The following KAZN variants were observed in gnomAD, a reference collection of about 807,000 sequenced individuals.
KAZN encodes the protein kazrin.
In KAZN, 40 loss-of-function variants were observed where a neutral mutation model predicts 87.4. The ratio of observed to expected loss-of-function variants is 0.46; its 90% CI spans 0.36 to 0.60. The LOEUF (loss-of-function observed/expected upper bound fraction) is 0.60. KAZN is among the 20% of genes least tolerant of loss of function. The probability of loss-of-function intolerance (pLI) is 0.00; values close to 1 mark genes in which losing one functional copy is unlikely to be tolerated. For missense variants in KAZN, 898 were observed against 1,073.9 expected (o/e 0.84, Z 2.29); for synonymous variants, 466 against 458.3 (o/e 1.02, Z -0.22).
chr1:14,578,487 A>G (rs1675331739), intron 2 of KAZN, among the ~76,000 whole-genome samples: 1 of 152,194 alleles, frequency 6.6e-6, no homozygotes, highest in Non-Finnish European at 1.5e-5. Flanking sequence ...GCAATCAGAA[A>G]AATTTACATA....
intron 1 of KAZN, among the ~76,000 whole-genome samples, chr1:14,143,539 C>T (rs76988451): frequency 2.1e-4 from 32 of 152,296 alleles, no homozygotes; most frequent in African/African-American, 7.5e-4. Flanking sequence ...CCACTTACTT[C>T]CACCAGTGTA....
intron 1 of KAZN, among the ~76,000 whole-genome samples, chr1:14,002,569 C>G (rs544277851): frequency 1.3e-5 from 2 of 152,136 alleles, no homozygotes; most frequent in Admixed American, 1.3e-4. Flanking sequence ...TTTTTGTTCC[C>G]GGTTTTGGGT....
chr1:14,229,191 T>C lies in KAZN; in HGVS notation c.249+48599T>C, dbSNP rs912417641. On this transcript the variant is annotated intron_variant, in intron 2 of 16. Transcript: ENST00000636203. ...AAAGACAAGGAAGAAAAATAGCTTG[T>C]GGTTCTTTAATTCAATTGCAGCCAA... Among the ~76,000 whole-genome samples the C allele has an allele frequency of 3.3e-5, 5 of 152,332 alleles. No individual in the cohort carries two copies. The East Asian group carries it at 9.6e-4, about 29-fold the overall frequency.
chr1:14,199,929 C>T (rs981013771), intron 2 of KAZN, among the ~76,000 whole-genome samples: 1 of 151,928 alleles, frequency 6.6e-6, no homozygotes, highest in Non-Finnish European at 1.5e-5. Flanking sequence ...CTTCCTTCTG[C>T]TTGGCCTTAC....
chr1:14,536,464 T>G (rs368649082), intron 2 of KAZN, among the ~76,000 whole-genome samples: 1 of 152,188 alleles, frequency 6.6e-6, no homozygotes, highest in Non-Finnish European at 1.5e-5. Flanking sequence ...TCCAGCAAGG[T>G]TCCACTGGAG....
intron 1 of KAZN, among the ~76,000 whole-genome samples, chr1:14,644,128 C>T (rs994664907): frequency 6.7e-6 from 1 of 150,178 alleles, no homozygotes; most frequent in African/African-American, 2.4e-5. Context: ...TCTCCCATCT[C>T]AGCCTCCCAA....
intron 2 of KAZN, among the ~76,000 whole-genome samples, chr1:14,460,242 T>C (rs1402505531): frequency 6.6e-6 from 1 of 152,204 alleles, no homozygotes; most frequent in African/African-American, 2.4e-5. Flanking sequence ...CCCCTCTGAC[T>C]TTTCTAACCA....
At chr1:14,847,889 A>G (rs1238680339) in intron 1 of KAZN, among the ~76,000 whole-genome samples, 1 of 152,184 alleles carries the variant, frequency 6.6e-6, no homozygotes, top group Non-Finnish European at 1.5e-5. Flanking sequence ...CTGAGGTGAG[A>G]GGATCACTCG....
intron 2 of KAZN, among the ~76,000 whole-genome samples, chr1:14,491,137 G>A (rs891663726): frequency 6.6e-5 from 10 of 152,050 alleles, no homozygotes; most frequent in Non-Finnish European, 1.0e-4. Context: ...TTTATTCCTA[G>A]GTGTCCTGGG....
At chr1:14,070,545 C>T (rs1379973785) in intron 1 of KAZN, among the ~76,000 whole-genome samples, 1 of 151,348 alleles carries the variant, frequency 6.6e-6, no homozygotes, top group Non-Finnish European at 1.5e-5. Context: ...TGCTTCTTTC[C>T]CATCCCACTG....
intron 2 of KAZN, among the ~76,000 whole-genome samples, chr1:14,469,864 C>A (rs1205297698): frequency 1.3e-5 from 2 of 151,386 alleles, no homozygotes; most frequent in Non-Finnish European, 2.9e-5. Flanking sequence ...TTGCACTTGC[C>A]AGGTTAGCTC....
intron 2 of KAZN, among the ~76,000 whole-genome samples, chr1:14,582,343 C>A (rs10803288): frequency 0.21 from 31,606 of 152,068 alleles, 3,847 homozygotes; most frequent in Non-Finnish European, 0.27. Context: ...TGGTGTGGAG[C>A]AAAATCAGTT....
chr1:14,098,022 G>A lies in KAZN; in HGVS notation c.92-82413G>A, dbSNP rs146353855. ...TCATTGAATCTTCACCACAACCTTG[G>A]AAGGTAGGATTTTTTTTTTTTATTA... On this transcript the variant is annotated intron_variant, in intron 1 of 16. Coordinates refer to the KAZN transcript ENST00000636203. Among the ~76,000 whole-genome samples the A allele has an allele frequency of 6.3e-3, 959 of 152,198 alleles. 10 individuals are homozygous for A. The South Asian group carries it at 0.066, about 11-fold the overall frequency.
Position 14,976,066 on chromosome 1 carries a change from C to A in KAZN, c.418+15191C>A, listed in dbSNP as rs538689440. On this transcript the variant is annotated intron_variant, in intron 2 of 14. Coordinates refer to ENST00000376030, the MANE Select transcript of KAZN (RefSeq NM_201628.3). ...AAAAAAAAAAAAAGCAAAGAAAGTACACTCAGCTCTCAGACCTGCGCGGTG... is the reference window on the plus strand; with the variant it reads ...AAAAAAAAAAAAAGCAAAGAAAGTAAACTCAGCTCTCAGACCTGCGCGGTG... 2.2e-4 allele frequency among the ~76,000 whole-genome samples: 33 copies of A among 147,782 alleles called. No homozygotes were observed. In the South Asian group the frequency reaches 7.1e-3, roughly 32 times the overall value.
chr1:14,374,362 TG>T (rs1660734215), intron 2 of KAZN, among the ~76,000 whole-genome samples: 2 of 152,250 alleles, frequency 1.3e-5, no homozygotes, highest in African/African-American at 4.8e-5. Flanking sequence ...AACGAATGTT[TG>T]GGGGATCAAG....
intron 1 of KAZN, among the ~76,000 whole-genome samples, chr1:13,954,229 C>A (rs1022975513): frequency 3.9e-5 from 6 of 152,142 alleles, no homozygotes; most frequent in Non-Finnish European, 7.4e-5. Context: ...AAAAATAAAA[C>A]CAACCAACCA....
intron 1 of KAZN, among the ~76,000 whole-genome samples, chr1:14,107,347 T>C (rs1252473892): frequency 2.0e-5 from 3 of 150,956 alleles, no homozygotes; most frequent in Non-Finnish European, 3.0e-5. Flanking sequence ...GTCTTTCCCA[T>C]TAGCCCAAGA....
intron 1 of KAZN, among the ~76,000 whole-genome samples, chr1:14,101,466 A>G (rs939176454): frequency 6.6e-6 from 1 of 152,214 alleles, no homozygotes; most frequent in Non-Finnish European, 1.5e-5. Context: ...GTTTGAATCC[A>G]GGTTTATCTC....
chr1:14,091,109 C>CAAAAA (rs779056126), intron 1 of KAZN, among the ~76,000 whole-genome samples: 5 of 51,924 alleles, frequency 9.6e-5, no homozygotes, highest in East Asian at 4.9e-4. Context: ...GAGACTCTGT[C>CAAAAA]AAAAAAAAAA....
Sources: gnomAD v4.1 joint callset for allele counts (sites outside exome capture counted in the v4.1 genomes callset) on GRCh38, gnomAD v4.1.1 for gene constraint, MANE v1.5 for transcripts, NCBI Gene and HGNC (gene_info 2026-07-23, HGNC 2026-07-21) for gene names.